DYSF: variants seen among roughly 807,000 people sequenced by gnomAD.
DYSF encodes dystrophy-associated fer-1-like 1.
In DYSF, 212 loss-of-function variants were observed where a neutral mutation model predicts 274.9. The observed-to-expected ratio is 0.77, with a 90% CI of 0.69 to 0.86. The LOEUF is 0.86. Ranked by LOEUF, DYSF falls within the 40% of genes least tolerant of loss-of-function variation. The probability of loss-of-function intolerance (pLI) is 0.00; values close to 1 mark genes in which losing one functional copy is unlikely to be tolerated. For missense variants in DYSF, 2,666 were observed against 2,783.2 expected, an observed-to-expected ratio of 0.96 and a Z score of 0.95; for synonymous variants, 1,091 against 1,078.7, an observed-to-expected ratio of 1.01 and a Z score of -0.22.
At chr2:71,489,538 GC>G (rs1342639035) in intron 3 of DYSF, among the ~76,000 whole-genome samples, 14 of 152,366 alleles carry the variant, frequency 9.2e-5, no homozygotes, top group African/African-American at 3.1e-4. Context: ...GGCAAGGGTG[GC>G]CTGATGCCTC....
chr2:71,679,032 G>T (rs1375000482), intron 52 of DYSF, 25 bp from the exon 53 acceptor site: 1 of 1,613,254 alleles, frequency 6.2e-7, no homozygotes, highest in South Asian at 1.1e-5. Context: ...GAAACCCTTG[G>T]CCAAAAACTA....
intron 26 of DYSF, among the ~76,000 whole-genome samples, chr2:71,569,112 G>T (rs1383367956): frequency 1.3e-5 from 2 of 151,984 alleles, no homozygotes; most frequent in African/African-American, 4.8e-5. Context: ...CTGACCTGGT[G>T]ATCCACCCGC....
chr2:71,591,934 A>G (rs2093277891), intron 32 of DYSF, among the ~76,000 whole-genome samples: 1 of 152,248 alleles, frequency 6.6e-6, no homozygotes, highest in Non-Finnish European at 1.5e-5. Context: ...CTGCAAGTGT[A>G]TATAGCAGCA....
At chr2:71,644,376 C>G (rs542879299) in intron 42 of DYSF, among the ~76,000 whole-genome samples, 3 of 152,146 alleles carry the variant, frequency 2.0e-5, no homozygotes, top group African/African-American at 7.2e-5. Flanking sequence ...CAGGGTGGCC[C>G]CCTCACCGAT....
chr2:71,619,430 C>T (rs2094036419), intron 40 of DYSF, among the ~76,000 whole-genome samples: 1 of 152,086 alleles, frequency 6.6e-6, no homozygotes, highest in South Asian at 2.1e-4. Context: ...GGGAGGGATC[C>T]GAGTCCCCAA....
chr2:71,481,722 C>CCATCCATCCATCCACCCATT (rs1553508732), intron 2 of DYSF, among the ~76,000 whole-genome samples, 157 bp from the exon 3 acceptor site: 1 of 151,724 alleles, frequency 6.6e-6, no homozygotes, highest in Non-Finnish European at 1.5e-5. Flanking sequence ...ATCCATCCAT[C>CCATCCATCCATCCACCCATT]CATCCATGCT....
In DYSF at chr2:71,600,827, C is replaced by T. The variant is rs756618602; in HGVS notation, c.3882C>T (p.Leu1294=). 7 of 1,612,038 alleles carry T rather than the reference C, an allele frequency of 4.3e-6. No individual in the cohort carries two copies. Among genetic ancestry groups the T allele is most frequent in the South Asian group, 2.2e-5 (2 of 91,072 alleles). ...GGGAGCTGCTGGCCTCTTTTGAGCT[C>T]ATCCAGAGAGAGAAGGTGAGGCTGG... is the stretch of plus-strand genomic sequence containing the variant. The part of the protein sequence containing the change: ...PSGELLASFE[L]IQREKPAIHH... The change falls in exon 34 of 56, where the codon CTC becomes CTT. Residue 1294 remains leucine (L), a synonymous_variant. Coordinates refer to ENST00000410020, the MANE Select transcript of DYSF (RefSeq NM_001130987.2).
At chr2:71,618,513 G>GGT (rs147855770) in intron 40 of DYSF, among the ~76,000 whole-genome samples, 16 of 62,118 alleles carry the variant, frequency 2.6e-4, no homozygotes, top group African/African-American at 6.6e-4. Flanking sequence ...GTTTGGTAGA[G>GGT]GTGTGTGTGT....
intron 22 of DYSF, among the ~76,000 whole-genome samples, chr2:71,556,665 G>T (rs998302148): frequency 3.9e-5 from 6 of 152,170 alleles, no homozygotes; most frequent in Non-Finnish European, 7.4e-5. Flanking sequence ...CCTTGGGAAG[G>T]ATTTAATAAA....
intron 1 of DYSF, among the ~76,000 whole-genome samples, chr2:71,473,235 A>C (rs2082161696): frequency 6.6e-6 from 1 of 152,206 alleles, no homozygotes; most frequent in Non-Finnish European, 1.5e-5. Context: ...GGGTGTCTGT[A>C]CCAAGAGGTA....
chr2:71,526,402 T>C, intron 13 of DYSF, 56 bp downstream of exon 13: 2 of 520,750 alleles, frequency 3.8e-6, no homozygotes, highest in South Asian at 5.5e-5. Context: ...GGCGCAGGGC[T>C]GGTGGGGGTG....
chr2:71,492,883 T>C (rs937233391), intron 3 of DYSF, among the ~76,000 whole-genome samples: 9 of 151,982 alleles, frequency 5.9e-5, no homozygotes, highest in African/African-American at 2.2e-4. Flanking sequence ...TACTTTTTTG[T>C]TTGTTTGTTT....
At chr2:71,505,836 C>A (rs1322540260) in intron 4 of DYSF, among the ~76,000 whole-genome samples, 1 of 152,234 alleles carries the variant, frequency 6.6e-6, no homozygotes, top group African/African-American at 2.4e-5. Context: ...AAGCCAGAAT[C>A]GGATCACAAA....
intron 1 of DYSF, among the ~76,000 whole-genome samples, chr2:71,471,426 G>A (rs1164466247): frequency 6.6e-6 from 1 of 152,200 alleles, no homozygotes; most frequent in Non-Finnish European, 1.5e-5. Context: ...TATCTACAGG[G>A]TAGAGGCTGA....
At chr2:71,597,385 C>T (rs1307185301) in intron 32 of DYSF, among the ~76,000 whole-genome samples, 1 of 152,222 alleles carries the variant, frequency 6.6e-6, no homozygotes, top group African/African-American at 2.4e-5. Context: ...AGGGAGTCCC[C>T]TTCTCCAAGC....
chr2:71,521,016 TG>T lies in DYSF; in HGVS notation c.1149+114del, dbSNP rs1300024701. 8.7e-6 allele frequency: 7 copies of T among 805,702 alleles called. No individual in the cohort carries two copies. The African/African-American group carries it at 1.0e-4, about 12-fold the overall frequency. 49.9% of individuals were successfully genotyped at this position (805,702 alleles called of 1,614,324 possible). A position where few individuals can be genotyped will look rare whatever the true frequency, so the allele number is the denominator to read the frequency against. ...TTTTTTTCTGATTTAAACTAATATG[TG>T]GTAATTAATGAGAAATGTGGAACAT... On this transcript the variant is annotated intron_variant, in intron 12 of 55. Coordinates refer to ENST00000410020, the MANE Select transcript of DYSF (RefSeq NM_001130987.2).
intron 53 of DYSF, among the ~76,000 whole-genome samples, chr2:71,679,561 CG>C (rs1558813915): frequency 6.6e-6 from 1 of 151,920 alleles, no homozygotes; most frequent in African/African-American, 2.4e-5. Flanking sequence ...GGTGAATGGG[CG>C]GGGGTCATGC....
intron 4 of DYSF, among the ~76,000 whole-genome samples, chr2:71,505,605 G>A (rs770039141): frequency 9.9e-5 from 15 of 152,234 alleles, no homozygotes; most frequent in Non-Finnish European, 2.1e-4. Flanking sequence ...GCTGGGCTGT[G>A]TGCCATGGAG....
chr2:71,633,869 TC>T (rs1047668771), intron 41 of DYSF, among the ~76,000 whole-genome samples: 1 of 152,166 alleles, frequency 6.6e-6, no homozygotes, highest in African/African-American at 2.4e-5. Flanking sequence ...CTTCCTGACT[TC>T]ACAGAAAGGA....
Sources: gnomAD v4.1 joint callset for allele counts (sites outside exome capture counted in the v4.1 genomes callset) on GRCh38, gnomAD v4.1.1 for gene constraint, MANE v1.5 for transcripts, NCBI Gene and HGNC (gene_info 2026-07-23, HGNC 2026-07-21) for gene names.